Variants in DNASE1 observed in about 807,000 individuals in gnomAD.
The protein encoded by DNASE1 is deoxyribonuclease-1.
Under a neutral mutation model 33.9 loss-of-function variants are expected in DNASE1, and 40 were observed. The observed-to-expected ratio is 1.18, with a 90% confidence interval of 0.92 to 1.54. DNASE1 has a LOEUF of 1.54. DNASE1 is among the 40% of genes most tolerant of loss of function. The pLI is 0.00. For synonymous variants in DNASE1, 216 were observed against 160.0 expected (o/e 1.35, Z -2.64); for missense variants, 518 against 372.6 (o/e 1.39, Z -3.21).
At chr16:3,613,908 ATTTTTT>A (rs200976238) in intron 1 of DNASE1, among the ~76,000 whole-genome samples, 6 of 113,138 alleles carry the variant, frequency 5.3e-5, no homozygotes, top group African/African-American at 1.1e-4. Flanking sequence ...CGCCTGGCTA[ATTTTTT>A]TTTTTTTTTT....
intron 1 of DNASE1, among the ~76,000 whole-genome samples, chr16:3,618,622 G>A (rs544694645): frequency 3.9e-5 from 6 of 152,198 alleles, no homozygotes; most frequent in East Asian, 1.9e-4. Context: ...CCAACTACTC[G>A]GGAGGCTGAG....
chr16:3,662,027 G>T, downstream of DNASE1: 6 of 1,612,958 alleles, frequency 3.7e-6, no homozygotes, highest in Middle Eastern at 1.7e-4. Flanking sequence ...AGCTGTGCGC[G>T]CTCCTCCTGG....
chr16:3,657,806 G>C lies in DNASE1; in HGVS notation c.791G>C (p.Ser264Thr). ...AACTTCCAGGCTGCCTATGGCCTGA[G>C]TGACCAACTGGTATGTGTCCTCCCT... ...PFNFQAAYGLSDQLAQAISDH... is the reference protein window; with the variant it reads ...PFNFQAAYGLTDQLAQAISDH... The change falls in exon 8 of 9, where the codon AGT (serine) becomes ACT (threonine). Residue 264 changes from serine to threonine, a missense_variant. Physicochemically the swap from Ser to Thr is moderately conservative, Grantham distance 58. Transcript: ENST00000246949. The C allele has an allele frequency of 6.2e-7, 1 of 1,613,860 alleles. No individual in the cohort carries two copies. The highest frequency in any genetic ancestry group is 8.5e-7 in the Non-Finnish European group (1 of 1,179,920).
At chr16:3,617,121 G>C (rs993250626) in intron 1 of DNASE1, among the ~76,000 whole-genome samples, 1 of 151,924 alleles carries the variant, frequency 6.6e-6, no homozygotes, top group Non-Finnish European at 1.5e-5. Context: ...GAGGTCAGGA[G>C]TTTGAGACCA....
intron 1 of DNASE1, among the ~76,000 whole-genome samples, chr16:3,612,349 C>A (rs2040912602): frequency 6.6e-6 from 1 of 151,802 alleles, no homozygotes; most frequent in African/African-American, 2.4e-5. Context: ...CTCCCGGGTT[C>A]GAGCGGTTCT....
chr16:3,652,662 G>A (rs986968602), upstream of DNASE1: 9 of 152,334 alleles, frequency 5.9e-5, no homozygotes, highest in East Asian at 7.7e-4. Context: ...AGCCAGAGGC[G>A]TCTGTTGGCG....
downstream of DNASE1, chr16:3,663,084 A>G (rs1448698283): frequency 1.3e-6 from 1 of 782,988 alleles, no homozygotes; most frequent in East Asian, 2.7e-5. Flanking sequence ...TGGAGACACA[A>G]GCTAGCAAGA....
intron 1 of DNASE1, among the ~76,000 whole-genome samples, chr16:3,621,033 C>T (rs931041422): frequency 6.6e-6 from 1 of 151,978 alleles, no homozygotes; most frequent in African/African-American, 2.4e-5. Context: ...CTCCTGACCT[C>T]GTGATCCACC....
chr16:3,633,090 C>A (rs553332303), intron 1 of DNASE1, among the ~76,000 whole-genome samples: 1 of 152,244 alleles, frequency 6.6e-6, no homozygotes, highest in Admixed American at 6.5e-5. Context: ...TTCTCTATTA[C>A]TTATTTGATG....
At chr16:3,654,059 T>TG, upstream of DNASE1, 1 of 229,020 alleles carries the variant, frequency 4.4e-6, no homozygotes. Context: ...TAATGAGCCA[T>TG]GATTGTGCCA....
exon 10 of DNASE1, chr16:3,663,617 G>A (rs2050745269): frequency 2.5e-6 from 4 of 1,607,236 alleles, no homozygotes; most frequent in Non-Finnish European, 3.4e-6. Context: ...AGCCACCACA[G>A]AAGAAAGGAT....
chr16:3,660,702 A>ATAATT (rs2043022887), downstream of DNASE1: 1 of 152,200 alleles, frequency 6.6e-6, no homozygotes, highest in Admixed American at 6.5e-5. Context: ...CGCCTCCAGT[A>ATAATT]TAATTTTAAA....
chr16:3,660,772 A>T (rs2043027884), downstream of DNASE1: 1 of 152,164 alleles, frequency 6.6e-6, no homozygotes, highest in Admixed American at 6.5e-5. Flanking sequence ...AACAAAACAA[A>T]AACTGGCTGG....
intron 5 of DNASE1, 73 bp from the exon 6 acceptor site, chr16:3,656,926 A>G (rs774603772): frequency 6.3e-7 from 1 of 1,576,198 alleles, no homozygotes; most frequent in South Asian, 1.1e-5. Flanking sequence ...GTCATGATAC[A>G]TAGTTCCAGC....
upstream of DNASE1, chr16:3,640,588 C>T (rs2042002455): frequency 5.0e-6 from 2 of 397,378 alleles, no homozygotes; most frequent in Non-Finnish European, 4.4e-6. Flanking sequence ...CCTGTTGCTG[C>T]ATCCTACATG....
downstream of DNASE1, chr16:3,662,953 A>G (rs2043169626): frequency 6.2e-7 from 1 of 1,611,274 alleles, no homozygotes; most frequent in African/African-American, 1.3e-5. Flanking sequence ...TCCTTCTCTG[A>G]TAGGCACTCG....
At chr16:3,650,953 C>T (rs1053492405), upstream of DNASE1, 1 of 152,226 alleles carries the variant, frequency 6.6e-6, no homozygotes, top group African/African-American at 2.4e-5. Flanking sequence ...CATGAATGGC[C>T]TTGAGCAGAG....
chr16:3,628,911 C>A (rs2041610480), intron 1 of DNASE1, among the ~76,000 whole-genome samples: 2 of 147,492 alleles, frequency 1.4e-5, no homozygotes, highest in African/African-American at 4.9e-5. Flanking sequence ...GTGGCTCACG[C>A]CGGTAATCCC....
At chr16:3,627,273 T>C (rs890180648) in intron 1 of DNASE1, among the ~76,000 whole-genome samples, 9 of 150,770 alleles carry the variant, frequency 6.0e-5, no homozygotes, top group Non-Finnish European at 1.2e-4. Context: ...GCATGACATA[T>C]CCTTTTTTTT....
Sources: gnomAD v4.1 joint callset for allele counts (sites outside exome capture counted in the v4.1 genomes callset) on GRCh38, gnomAD v4.1.1 for gene constraint, MANE v1.5 for transcripts, NCBI Gene and HGNC (gene_info 2026-07-23, HGNC 2026-07-21) for gene names.